PALS2: variants seen among roughly 807,000 people sequenced by gnomAD.
The protein encoded by PALS2 is protein PALS2.
In PALS2, 27 loss-of-function variants were observed where a neutral mutation model predicts 61.6. The ratio of observed to expected loss-of-function variants is 0.44; its 90% CI spans 0.32 to 0.60. The LOEUF is 0.60. Ranked by LOEUF, PALS2 falls within the 20% of genes least tolerant of loss-of-function variation. The pLI is 0.05. For synonymous variants in PALS2, 236 were observed against 218.6 expected (o/e 1.08, Z -0.70); for missense variants, 554 against 639.4 (o/e 0.87, Z 1.44).
intron 1 of PALS2, among the ~76,000 whole-genome samples, chr7:24,595,525 AAT>A (rs965372452): frequency 3.0e-5 from 4 of 132,504 alleles, no homozygotes; most frequent in African/African-American, 5.8e-5. Context: ...TAATATATAT[AAT>A]ATATAATATA....
intron 6 of PALS2, 89 bp downstream of exon 6, chr7:24,663,810 G>A: frequency 1.4e-6 from 2 of 1,420,814 alleles, no homozygotes; most frequent in South Asian, 1.2e-5. Flanking sequence ...AAGAATATTA[G>A]CATTTGTTAC....
At chr7:24,664,181 C>T (rs1452383866) in intron 6 of PALS2, among the ~76,000 whole-genome samples, 1 of 152,126 alleles carries the variant, frequency 6.6e-6, no homozygotes, top group Non-Finnish European at 1.5e-5. Context: ...ATTTGCTCCC[C>T]TCTTCTCAGA....
chr7:24,663,733 T>G lies in PALS2; in HGVS notation c.783+12T>G. The G allele has an allele frequency of 3.1e-6, 5 of 1,603,350 alleles. No homozygotes were observed. The highest frequency in any genetic ancestry group is 4.3e-6 in the Non-Finnish European group (5 of 1,171,942). On this transcript the variant is annotated intron_variant, in intron 6 of 11. Transcript: ENST00000222644. ...CAAATTGGTGGCAGGTTAGTATGCTTCTCAGAAGTTCCTCAGCTACTTTTC... is the reference window on the plus strand; with the variant it reads ...CAAATTGGTGGCAGGTTAGTATGCTGCTCAGAAGTTCCTCAGCTACTTTTC...
At chr7:24,642,927 G>T (rs923040789) in intron 3 of PALS2, among the ~76,000 whole-genome samples, 3 of 152,206 alleles carry the variant, frequency 2.0e-5, no homozygotes, top group African/African-American at 7.2e-5. Flanking sequence ...GGATGGGTTG[G>T]GTATTAACCA....
chr7:24,682,184 G>A lies in PALS2; in HGVS notation c.1446+1664G>A, dbSNP rs577269376. 2.6e-5 allele frequency among the ~76,000 whole-genome samples: 4 copies of A among 152,246 alleles called. No individual in the cohort carries two copies. The East Asian group carries it at 7.7e-4, about 29-fold the overall frequency. On this transcript the variant is annotated intron_variant, in intron 11 of 11. Coordinates refer to ENST00000222644, the MANE Select transcript of PALS2 (RefSeq NM_001303037.2). The stretch of plus-strand genomic sequence containing the variant: ...AGGGCCAGTTAATCCCCACAAATAA[G>A]GCAAGACCCATTTGGTACTCCTACC...
chr7:24,594,271 T>C (rs571608060), intron 1 of PALS2, among the ~76,000 whole-genome samples: 26 of 152,232 alleles, frequency 1.7e-4, no homozygotes, highest in African/African-American at 6.0e-4. Context: ...AAGAGAATGC[T>C]GTGACTGGTT....
chr7:24,659,569 A>G (rs967834258), intron 5 of PALS2, among the ~76,000 whole-genome samples: 1 of 152,136 alleles, frequency 6.6e-6, no homozygotes, highest in Non-Finnish European at 1.5e-5. Flanking sequence ...ATTCTTTTAA[A>G]TCTTGCTTTT....
At chr7:24,603,870 A>G (rs1211708001) in intron 1 of PALS2, among the ~76,000 whole-genome samples, 4 of 152,220 alleles carry the variant, frequency 2.6e-5, no homozygotes, top group Non-Finnish European at 5.9e-5. Flanking sequence ...TAATAAATCT[A>G]GAGTTACTGT....
chr7:24,662,768 G>GAAAAAAAAACAAAAAAAA, intron 5 of PALS2, among the ~76,000 whole-genome samples: 1 of 102,614 alleles, frequency 9.7e-6, no homozygotes, highest in Non-Finnish European at 2.3e-5. Context: ...GACTCCATCT[G>GAAAAAAAAACAAAAAAAA]AAAAAAAAAA....
At chr7:24,580,587 T>G (rs1168111951) in intron 1 of PALS2, among the ~76,000 whole-genome samples, 1 of 152,176 alleles carries the variant, frequency 6.6e-6, no homozygotes, top group Non-Finnish European at 1.5e-5. Flanking sequence ...TATTCAGGCA[T>G]GGTTCTCCAA....
intron 2 of PALS2, among the ~76,000 whole-genome samples, chr7:24,637,007 G>C (rs1442495407): frequency 1.3e-5 from 2 of 152,096 alleles, no homozygotes; most frequent in African/African-American, 4.8e-5. Flanking sequence ...GTTATAAAAA[G>C]GTTATTGTGT....
At chr7:24,671,683 AT>A in intron 9 of PALS2, among the ~76,000 whole-genome samples, 1 of 152,146 alleles carries the variant, frequency 6.6e-6, no homozygotes, top group Non-Finnish European at 1.5e-5. Flanking sequence ...TTACATGCAG[AT>A]TATATGATCA....
At chr7:24,619,983 T>C (rs952064081) in intron 1 of PALS2, 4 of 152,252 alleles carry the variant, frequency 2.6e-5, no homozygotes, top group African/African-American at 9.6e-5. Context: ...TTTTTACATA[T>C]ACTAGAGTTG....
chr7:24,634,263 C>T (rs912894424), intron 2 of PALS2, among the ~76,000 whole-genome samples: 1 of 151,904 alleles, frequency 6.6e-6, no homozygotes, highest in Non-Finnish European at 1.5e-5. Context: ...TGGAGTCTTG[C>T]TCTGCCGCCC....
At chr7:24,659,370 T>C (rs1005248438) in intron 5 of PALS2, among the ~76,000 whole-genome samples, 3 of 152,206 alleles carry the variant, frequency 2.0e-5, no homozygotes, top group African/African-American at 7.2e-5. Flanking sequence ...TACCCAGTAA[T>C]GGGATTGCTG....
Position 24,693,017 on chromosome 7 carries a change from A to G in PALS2, c.*5403A>G, listed in dbSNP as rs1788545625. 6.6e-6 allele frequency: 1 copy of G among 152,188 alleles called. No individual in the cohort carries two copies. Among genetic ancestry groups the G allele is most frequent in the South Asian group, 2.1e-4 (1 of 4,826 alleles). 9.4% of individuals were successfully genotyped at this position (152,188 alleles called of 1,614,324 possible). Reference sequence around the variant, plus strand: ...CATTGGCTGATAATGCAATGGTGTGATAAATTTGACTTATCTCCACATACA... The same window carrying G: ...CATTGGCTGATAATGCAATGGTGTGGTAAATTTGACTTATCTCCACATACA... On this transcript the variant is annotated 3_prime_UTR_variant, in exon 12 of 12. Coordinates refer to ENST00000222644, the MANE Select transcript of PALS2 (RefSeq NM_001303037.2).
chr7:24,660,168 CTT>C (rs760274827), intron 5 of PALS2, among the ~76,000 whole-genome samples: 25 of 152,174 alleles, frequency 1.6e-4, no homozygotes, highest in Non-Finnish European at 2.6e-4. Flanking sequence ...GTCCTTGTTA[CTT>C]CATCTGAATC....
At chr7:24,659,563 T>C (rs989494425) in intron 5 of PALS2, among the ~76,000 whole-genome samples, 6 of 152,224 alleles carry the variant, frequency 3.9e-5, no homozygotes, top group African/African-American at 1.4e-4. Context: ...CAGATGATTC[T>C]TTTAAATCTT....
rs368160704 is a variant in PALS2 at position 24,624,605 on chromosome 7, C to CTT, written c.117+839_117+840dup. On this transcript the variant is annotated intron_variant, in intron 2 of 11. Transcript: ENST00000222644. Reference sequence around the variant, plus strand: ...GAGTGAATTAATGATGCAGATTCTTCTTTTTTTTTTTTTTTTTTTGAGAGG... The same window carrying CTT: ...GAGTGAATTAATGATGCAGATTCTTCTTTTTTTTTTTTTTTTTTTTTGAGAGG... Among the ~76,000 whole-genome samples, 114 of 86,348 alleles carry CTT rather than the reference C, an allele frequency of 1.3e-3. 1 individual carries two copies. The highest frequency in any genetic ancestry group is 6.6e-3 in the African/African-American group (102 of 15,450). The allele number at this position is 86,348 out of a possible 152,430, so 56.6% of individuals were successfully genotyped here.
Sources: gnomAD v4.1 joint callset for allele counts (sites outside exome capture counted in the v4.1 genomes callset) on GRCh38, gnomAD v4.1.1 for gene constraint, MANE v1.5 for transcripts, NCBI Gene and HGNC (gene_info 2026-07-23, HGNC 2026-07-21) for gene names.